The following FOXP1 variants were observed in gnomAD, a reference collection of about 807,000 sequenced individuals.
The protein encoded by FOXP1 is forkhead box protein P1.
FOXP1 carries 15 observed loss-of-function variants against 98.2 expected under a neutral mutation model. The observed-to-expected ratio is 0.15, with a 90% CI of 0.10 to 0.24. The LOEUF (loss-of-function observed/expected upper bound fraction) is 0.24, where lower values mean the gene tolerates loss of function less well. Ranked by LOEUF, FOXP1 falls within the 10% of genes least tolerant of loss-of-function variation. FOXP1 has a pLI of 1.00. For missense variants in FOXP1, 633 were observed against 848.5 expected, an observed-to-expected ratio of 0.75 and a Z score of 3.15; for synonymous variants, 371 against 314.5, an observed-to-expected ratio of 1.18 and a Z score of -1.90.
intron 3 of FOXP1, among the ~76,000 whole-genome samples, chr3:71,470,904 C>T (rs1226691002): frequency 6.6e-6 from 1 of 152,190 alleles, no homozygotes; most frequent in African/African-American, 2.4e-5. Context: ...CTTGCACCCA[C>T]GTGACCATGA....
intron 3 of FOXP1, among the ~76,000 whole-genome samples, chr3:71,401,064 A>G (rs1022868903): frequency 6.6e-6 from 1 of 151,990 alleles, no homozygotes. Context: ...CTCCACCCCC[A>G]CTCAAAAAAC....
intron 3 of FOXP1, among the ~76,000 whole-genome samples, chr3:71,370,164 C>T (rs559910988): frequency 1.3e-5 from 2 of 152,112 alleles, no homozygotes; most frequent in Non-Finnish European, 2.9e-5. Flanking sequence ...CAATCTTCTG[C>T]CTTCTTCCAT....
At chr3:71,062,903 T>C (rs972015592) in intron 7 of FOXP1, among the ~76,000 whole-genome samples, 3 of 152,226 alleles carry the variant, frequency 2.0e-5, no homozygotes, top group Non-Finnish European at 4.4e-5. Context: ...AATGTATTAC[T>C]ATGTGCCCCT....
chr3:71,538,468 T>A (rs1000921791), intron 2 of FOXP1, among the ~76,000 whole-genome samples: 1 of 152,240 alleles, frequency 6.6e-6, no homozygotes, highest in Non-Finnish European at 1.5e-5. Flanking sequence ...GTTTGCAAAG[T>A]TCATCAATGG....
At chr3:71,061,097 C>CT (rs2051405647) in intron 7 of FOXP1, among the ~76,000 whole-genome samples, 2 of 151,218 alleles carry the variant, frequency 1.3e-5, no homozygotes, top group African/African-American at 4.9e-5. Context: ...CCTGAGTTTT[C>CT]TTTTTTAAAC....
intron 3 of FOXP1, among the ~76,000 whole-genome samples, chr3:71,465,613 A>C (rs1050556865): frequency 6.6e-6 from 1 of 152,166 alleles, no homozygotes; most frequent in African/African-American, 2.4e-5. Flanking sequence ...ATGCTCCACA[A>C]GGGCAGGGTC....
At chr3:71,184,912 G>C (rs2062555007) in intron 6 of FOXP1, among the ~76,000 whole-genome samples, 1 of 152,160 alleles carries the variant, frequency 6.6e-6, no homozygotes. Flanking sequence ...GGTATTAGAG[G>C]CTGGGTGTGG....
At chr3:71,169,657 T>C (rs563234705) in intron 6 of FOXP1, among the ~76,000 whole-genome samples, 3 of 151,800 alleles carry the variant, frequency 2.0e-5, no homozygotes, top group South Asian at 2.1e-4. Context: ...CCTGATGCAT[T>C]AGAAATGTTC....
chr3:71,211,172 T>C (rs926939327), intron 5 of FOXP1, among the ~76,000 whole-genome samples: 4 of 152,126 alleles, frequency 2.6e-5, no homozygotes, highest in African/African-American at 9.7e-5. Context: ...CCAGCAGTGG[T>C]GTTACACTTG....
intron 12 of FOXP1, among the ~76,000 whole-genome samples, chr3:71,002,490 C>T (rs990990926): frequency 6.6e-6 from 1 of 152,104 alleles, no homozygotes; most frequent in East Asian, 1.9e-4. Context: ...CAAGGAAGCC[C>T]GAGCTAAGCA....
At chr3:71,157,236 G>C (rs1379406030) in intron 6 of FOXP1, among the ~76,000 whole-genome samples, 1 of 152,202 alleles carries the variant, frequency 6.6e-6, no homozygotes, top group Non-Finnish European at 1.5e-5. Flanking sequence ...AGAACGAAAA[G>C]AGACTGCTGA....
At chr3:71,247,488 T>C (rs1187312526) in intron 5 of FOXP1, among the ~76,000 whole-genome samples, 1 of 152,254 alleles carries the variant, frequency 6.6e-6, no homozygotes, top group East Asian at 1.9e-4. Flanking sequence ...GACCGGGGTA[T>C]CATGACTGCA....
intron 3 of FOXP1, among the ~76,000 whole-genome samples, chr3:71,378,377 A>AC (rs554953727): frequency 5.8e-4 from 48 of 82,554 alleles, no homozygotes; most frequent in African/African-American, 1.4e-3. Context: ...GGTCTCAGTC[A>AC]CCCCCAGTCA....
rs556362879 is a variant in FOXP1 at position 71,150,943 on chromosome 3, A to G, written c.181-38306T>C. Among the ~76,000 whole-genome samples, 7 of 152,230 alleles carry G rather than the reference A, an allele frequency of 4.6e-5. No homozygotes were observed. In the East Asian group the frequency reaches 7.7e-4, roughly 17 times the overall value. On this transcript the variant is annotated intron_variant, in intron 6 of 20. Coordinates refer to ENST00000649528, the MANE Select transcript of FOXP1 (RefSeq NM_001349338.3). Reference sequence around the variant, plus strand: ...ATCTTTCAACTTCCTAGATTGTAAGATATTTGGAATACTGGAAAGACAAAG... The same window carrying G: ...ATCTTTCAACTTCCTAGATTGTAAGGTATTTGGAATACTGGAAAGACAAAG...
At chr3:71,358,216 T>C (rs1190557557) in intron 4 of FOXP1, among the ~76,000 whole-genome samples, 1 of 152,204 alleles carries the variant, frequency 6.6e-6, no homozygotes, top group African/African-American at 2.4e-5. Flanking sequence ...TAAAGGAAAT[T>C]TAATCGTTCT....
At position 71,545,548 on chromosome 3, in the gene FOXP1, C is replaced by T. The variant is rs145186878; in HGVS notation, c.-298+36001G>A. ...ATACACATGCTGAAGGACTGAACTG[C>T]CTTATGCAAATATTTATCTTCTAGA... On this transcript the variant is annotated intron_variant, in intron 2 of 20. Coordinates refer to ENST00000649528, the MANE Select transcript of FOXP1 (RefSeq NM_001349338.3). 4.1e-3 allele frequency among the ~76,000 whole-genome samples: 619 copies of T among 152,192 alleles called. 4 individuals are homozygous for T. Among genetic ancestry groups the T allele is most frequent in the African/African-American group, 0.014 (594 of 41,524 alleles).
intron 4 of FOXP1, among the ~76,000 whole-genome samples, chr3:71,338,320 A>G (rs2076808758): frequency 1.6e-5 from 2 of 123,116 alleles, no homozygotes; most frequent in South Asian, 5.8e-4. Context: ...GACAAGGGTC[A>G]GTGTTATAGA....
At chr3:71,058,943 A>G (rs1232000802) in intron 7 of FOXP1, among the ~76,000 whole-genome samples, 2 of 151,924 alleles carry the variant, frequency 1.3e-5, no homozygotes, top group African/African-American at 4.8e-5. Flanking sequence ...CTGTTTCATT[A>G]TGGAATTCTG....
At chr3:71,056,755 G>A (rs543988600) in intron 7 of FOXP1, among the ~76,000 whole-genome samples, 2 of 152,054 alleles carry the variant, frequency 1.3e-5, no homozygotes, top group East Asian at 3.9e-4. Flanking sequence ...ATGAAAAGAG[G>A]TTATGGAAAA....
Sources: gnomAD v4.1 joint callset for allele counts (sites outside exome capture counted in the v4.1 genomes callset) on GRCh38, gnomAD v4.1.1 for gene constraint, MANE v1.5 for transcripts, NCBI Gene and HGNC (gene_info 2026-07-23, HGNC 2026-07-21) for gene names.